The following DST variants were observed in gnomAD, a reference collection of about 807,000 sequenced individuals.
The protein encoded by DST is dystonin.
A neutral mutation model predicts 875.2 loss-of-function variants in DST; 253 were observed. The ratio of observed to expected loss-of-function variants is 0.29; its 90% CI spans 0.26 to 0.32. DST has a LOEUF of 0.32. Among genes scored for constraint, DST ranks in the 10% least tolerant of loss-of-function variants. The pLI is 1.00. For synonymous variants in DST, 3,124 were observed against 3,197.1 expected (o/e 0.98, Z 0.77); for missense variants, 8,287 against 9,111.6 (o/e 0.91, Z 3.68).
chr6:56,779,580 T>G (rs1042647864), intron 4 of DST, among the ~76,000 whole-genome samples: 4 of 151,964 alleles, frequency 2.6e-5, no homozygotes, highest in African/African-American at 9.7e-5. Context: ...AAGGAAGGGA[T>G]CCAGTTTCAG....
chr6:56,562,137 C>T lies in DST; in HGVS notation c.14068+1G>A. On this transcript the variant is annotated splice_donor_variant, in intron 56 of 103. Transcript: ENST00000680361. LOFTEE classifies it high-confidence loss of function. The stretch of plus-strand genomic sequence containing the variant: ...AGTAACAAATTAAAATTAATACTCA[C>T]CTTTATTTGCCCAAAATTCCTCAGT... 1 of 1,534,958 alleles carries T rather than the reference C, an allele frequency of 6.5e-7. No homozygotes were observed. Among genetic ancestry groups the T allele is most frequent in the Non-Finnish European group, 8.8e-7 (1 of 1,135,490 alleles).
At chr6:56,506,352 G>T in intron 77 of DST, 91 bp downstream of exon 77, 1 of 981,394 alleles carries the variant, frequency 1.0e-6, no homozygotes, top group Non-Finnish European at 1.5e-6. Context: ...ATATGCACTG[G>T]CAGATCTTGA....
chr6:56,625,944 T>C (rs2098729630), intron 34 of DST, among the ~76,000 whole-genome samples: 1 of 147,328 alleles, frequency 6.8e-6, no homozygotes, highest in Non-Finnish European at 1.5e-5. Flanking sequence ...TGTTTGTCTC[T>C]TAGGCTTTAA....
chr6:56,633,902 C>T lies in DST; in HGVS notation c.3621+230G>A, dbSNP rs146405377. On this transcript the variant is annotated intron_variant, in intron 27 of 103. Coordinates refer to ENST00000680361, the MANE Select transcript of DST (RefSeq NM_001374736.1). Reference sequence around the variant, plus strand: ...ATATCCAACAACTACATTCTGCCTCCCTATCTCACAGTAAGTTCTGAATGA... The same window carrying T: ...ATATCCAACAACTACATTCTGCCTCTCTATCTCACAGTAAGTTCTGAATGA... 1.4e-4 allele frequency among the ~76,000 whole-genome samples: 21 copies of T among 152,206 alleles called. No homozygotes were observed. In the East Asian group the frequency reaches 4.1e-3, roughly 29 times the overall value.
chr6:56,667,783 A>G (rs1316908763), intron 10 of DST, among the ~76,000 whole-genome samples: 1 of 151,912 alleles, frequency 6.6e-6, no homozygotes, highest in African/African-American at 2.4e-5. Context: ...ACAAAATGAA[A>G]TATTTAAGTA....
intron 4 of DST, among the ~76,000 whole-genome samples, chr6:56,845,835 A>G (rs2099806666): frequency 6.6e-6 from 1 of 152,226 alleles, no homozygotes; most frequent in African/African-American, 2.4e-5. Flanking sequence ...GAACCAGTCA[A>G]AATGAGCAGA....
At chr6:56,474,067 A>C in intron 92 of DST, 65 bp from the exon 93 acceptor site, 1 of 1,352,334 alleles carries the variant, frequency 7.4e-7, no homozygotes, top group Non-Finnish European at 1.0e-6. Flanking sequence ...TTAGAAATGA[A>C]CTAAAAGCAG....
chr6:56,613,231 G>A (rs1246185906), intron 37 of DST, among the ~76,000 whole-genome samples: 2 of 151,984 alleles, frequency 1.3e-5, no homozygotes, highest in Non-Finnish European at 2.9e-5. Context: ...AAGCTTTTTG[G>A]TATAAAGCAC....
In DST at chr6:56,572,987, T is replaced by C. The variant is rs1289929339; in HGVS notation, c.13314A>G (p.Thr4438=). Reference sequence around the variant, plus strand: ...GTGAGGATGCAGTGGATGGATCTGTTGTTTCCATAAATTTCTTCACTTTTT... The same window carrying C: ...GTGAGGATGCAGTGGATGGATCTGTCGTTTCCATAAATTTCTTCACTTTTT... ...MNEKVKKFME[T]TDPSTASSLQ... is the part of the protein sequence containing the mutation. The change falls in exon 52 of 104, where the codon ACA becomes ACG. Residue 4438 remains threonine, a synonymous_variant. Transcript: ENST00000680361. 6.2e-7 allele frequency: 1 copy of C among 1,609,160 alleles called. No homozygotes were observed. The highest frequency in any genetic ancestry group is 1.1e-5 in the South Asian group (1 of 90,092).
At chr6:56,812,154 A>AAAAGAAAAGAAAAGAAAAGAAAAGAAAAG (rs1561961953) in intron 4 of DST, among the ~76,000 whole-genome samples, 7 of 71,158 alleles carry the variant, frequency 9.8e-5, no homozygotes, top group African/African-American at 3.0e-4. Context: ...GAAAAGAAAA[A>AAAAGAAAAGAAAAGAAAAGAAAAGAAAAG]AGAAAATATT....
At chr6:56,482,943 T>A (rs1329697679) in intron 88 of DST, 66 bp from the exon 89 acceptor site, 6 of 1,266,246 alleles carry the variant, frequency 4.7e-6, no homozygotes, top group South Asian at 1.8e-5. Flanking sequence ...ACATACTGTT[T>A]GAGATATATA....
Position 56,506,769 on chromosome 6 carries a change from A to G in DST, c.19260T>C (p.Asp6420=). Residue 6420 remains aspartate, a synonymous_variant, in exon 76 of 104, where the codon GAT becomes GAC. Transcript: ENST00000680361. The part of the protein sequence containing the change: ...EAAETIREEI[D]GLQEELDIVI... ...CTATATCCAGCTCCTCCTGTAGTCC[A>G]TCTATTTCTTCCCTTATGGTCTAGA... 6.2e-7 allele frequency: 1 copy of G among 1,612,584 alleles called. No homozygotes were observed. The highest frequency in any genetic ancestry group is 8.5e-7 in the Non-Finnish European group (1 of 1,179,380).
chr6:56,938,108 C>CTCTCTCTCTCTATATATATATA (rs1383243392), intron 2 of DST, among the ~76,000 whole-genome samples: 12 of 120,748 alleles, frequency 9.9e-5, no homozygotes, highest in African/African-American at 4.2e-4. Context: ...CTCTCTCTCT[C>CTCTCTCTCTCTATATATATATA]TATATATATA....
At chr6:56,786,454 C>G (rs2099705747) in intron 4 of DST, among the ~76,000 whole-genome samples, 1 of 152,196 alleles carries the variant, frequency 6.6e-6, no homozygotes. Context: ...ATGTGTTTAT[C>G]ACCAAGCTCC....
rs763957785 is a variant in DST, at chr6:56,606,028, C to A, written c.8600G>T (p.Ser2867Ile). The change falls in exon 40 of 104, where the codon AGC becomes ATC. Residue 2867 changes from serine (S) to isoleucine (I), a missense_variant. Around this residue, in one of 10 missense-constraint regions of DST, gnomAD observed 3,138 missense variants for 3,116.6 expected, o/e 1.01. Transcript: ENST00000680361. The part of the protein sequence containing the change: ...MILLDKMHSC[S>I]SLEKQQRVNV... ...TACCCTTTGCTGTTTTTCTAAAGAGCTACAACTGTGCATTTTATCCAGAAG... is the reference window on the plus strand; with the variant it reads ...TACCCTTTGCTGTTTTTCTAAAGAGATACAACTGTGCATTTTATCCAGAAG... The A allele has an allele frequency of 1.9e-6, 3 of 1,612,894 alleles. No individual in the cohort carries two copies. The highest frequency in any genetic ancestry group is 2.7e-5 in the African/African-American group (2 of 74,992).
At chr6:56,693,492 T>C in intron 9 of DST, 1 of 783,822 alleles carries the variant, frequency 1.3e-6, no homozygotes, top group Non-Finnish European at 1.5e-6. Flanking sequence ...TGACTGTTTT[T>C]AACCTTCGGT....
chr6:56,822,944 C>T (rs943908910), intron 4 of DST, among the ~76,000 whole-genome samples: 5 of 151,980 alleles, frequency 3.3e-5, no homozygotes, highest in African/African-American at 1.2e-4. Flanking sequence ...ATCCTCCTGC[C>T]TCAGCCTCCC....
rs1562723999 is a variant in DST, at chr6:56,551,186, TGAAA to T, written c.16608+994_16608+997del. ...AATAATGTTATTAAAGACAAGCAAA[TGAAA>T]GAGTTTATCAACTATAACTGCACAG... On this transcript the variant is annotated intron_variant, in intron 61 of 103. Coordinates refer to ENST00000680361, the MANE Select transcript of DST (RefSeq NM_001374736.1). Among the ~76,000 whole-genome samples the T allele has an allele frequency of 5.9e-5, 9 of 152,126 alleles. 1 individual carries two copies.
At chr6:56,811,163 G>A (rs992214635) in intron 4 of DST, among the ~76,000 whole-genome samples, 8 of 123,258 alleles carry the variant, frequency 6.5e-5, no homozygotes, top group Admixed American at 1.1e-4. Context: ...CAGCCTAGGC[G>A]ACAGAGCAAG....
Sources: allele counts gnomAD v4.1 joint callset (sites outside exome capture counted in the v4.1 genomes callset), GRCh38; gene constraint gnomAD v4.1.1; regional missense constraint gnomAD v4.1.1; transcripts MANE v1.5; gene names NCBI Gene and HGNC (gene_info 2026-07-23, HGNC 2026-07-21).